Variants in TRIM34 observed in about 807,000 individuals in gnomAD.
The protein encoded by TRIM34 is tripartite motif containing 34, also known as E3 ubiquitin-protein ligase TRIM34.
Under a neutral mutation model 38.1 loss-of-function variants are expected in TRIM34, and 41 were observed. The observed-to-expected ratio is 1.08, with a 90% CI of 0.84 to 1.40. The LOEUF (loss-of-function observed/expected upper bound fraction) is 1.40, where lower values mean the gene tolerates loss of function less well. Among genes scored for constraint, TRIM34 ranks in the 40% most tolerant of loss-of-function variants. The pLI is 0.00. For synonymous variants in TRIM34, 200 were observed against 202.5 expected, an observed-to-expected ratio of 0.99 and a Z score of 0.10; for missense variants, 556 against 571.4, an observed-to-expected ratio of 0.97 and a Z score of 0.27.
chr11:5,637,761 C>T (rs1849809522), intron 4 of TRIM34, among the ~76,000 whole-genome samples: 1 of 152,172 alleles, frequency 6.6e-6, no homozygotes, highest in Non-Finnish European at 1.5e-5. Context: ...GTCACCACTG[C>T]TCTACTTTGA....
At chr11:5,625,751 C>T (rs1028953113) in intron 1 of TRIM34, among the ~76,000 whole-genome samples, 20 of 152,200 alleles carry the variant, frequency 1.3e-4, no homozygotes, top group African/African-American at 4.6e-4. Context: ...CTGAACATAC[C>T]TGTTTACTTT....
At chr11:5,643,032 G>A (rs1018728974) in intron 7 of TRIM34, 112 bp from the exon 8 acceptor site, 11 of 1,288,806 alleles carry the variant, frequency 8.5e-6, no homozygotes, top group East Asian at 2.6e-5. Flanking sequence ...TCCCAAGTTC[G>A]TTCATCACCA....
chr11:5,623,638 C>T (rs1849082508), upstream of TRIM34, among the ~76,000 whole-genome samples: 1 of 151,646 alleles, frequency 6.6e-6, no homozygotes, highest in African/African-American at 2.4e-5. Flanking sequence ...CCTCAACCTC[C>T]CAAAGTTCTG....
chr11:5,634,526 C>CATATATATATATATATAT (rs1849631573), intron 3 of TRIM34, 105 bp from the exon 4 acceptor site: 1 of 651,142 alleles, frequency 1.5e-6, no homozygotes, highest in African/African-American at 2.3e-5. Context: ...CACACACACA[C>CATATATATATATATATAT]ACACATATAT....
intron 1 of TRIM34, among the ~76,000 whole-genome samples, chr11:5,630,291 T>G (rs1849431773): frequency 6.6e-6 from 1 of 152,164 alleles, no homozygotes; most frequent in Non-Finnish European, 1.5e-5. Flanking sequence ...AATGATAACC[T>G]TTTTTTCCCC....
upstream of TRIM34, among the ~76,000 whole-genome samples, chr11:5,621,731 A>T (rs1848997582): frequency 6.6e-6 from 1 of 152,196 alleles, no homozygotes; most frequent in Non-Finnish European, 1.5e-5. Flanking sequence ...CCCTCTGCTC[A>T]CTGACATAAA....
At chr11:5,633,989 G>A (rs1424663403) in intron 3 of TRIM34, 90 bp downstream of exon 3, 14 of 1,399,278 alleles carry the variant, frequency 1.0e-5, no homozygotes, top group Admixed American at 6.2e-5. Flanking sequence ...CCTTGACATT[G>A]CATGAGTCCT....
At chr11:5,627,878 T>C (rs955429552) in intron 1 of TRIM34, among the ~76,000 whole-genome samples, 20 of 152,252 alleles carry the variant, frequency 1.3e-4, no homozygotes, top group African/African-American at 4.8e-4. Flanking sequence ...AGAGACACTC[T>C]AATTTTACTA....
intron 5 of TRIM34, among the ~76,000 whole-genome samples, chr11:5,641,985 G>A (rs1430771696): frequency 6.6e-6 from 1 of 152,118 alleles, no homozygotes; most frequent in Non-Finnish European, 1.5e-5. Flanking sequence ...ATCACAGTCA[G>A]GATCTACAGC....
At chr11:5,633,997 C>G in intron 3 of TRIM34, 98 bp downstream of exon 3, 1 of 1,330,492 alleles carries the variant, frequency 7.5e-7, no homozygotes, top group Non-Finnish European at 1.0e-6. Context: ...TTGCATGAGT[C>G]CTGAAGCCAT....
intron 2 of TRIM34, among the ~76,000 whole-genome samples, chr11:5,633,504 G>A (rs1849581163): frequency 6.6e-6 from 1 of 152,160 alleles, no homozygotes; most frequent in Non-Finnish European, 1.5e-5. Flanking sequence ...AAGGAACATT[G>A]TGGATTGAAT....
intron 1 of TRIM34, among the ~76,000 whole-genome samples, chr11:5,625,376 TTCTC>T (rs968400584): frequency 2.0e-5 from 3 of 152,170 alleles, no homozygotes; most frequent in Admixed American, 6.5e-5. Context: ...AAGGAAACAA[TTCTC>T]TCTCTCTCTT....
chr11:5,632,258 T>G lies in TRIM34; in HGVS notation c.-74T>G, dbSNP rs572553195. ...CATCCCCTTTCAATCTTCTCAGCCA[T>G]CCAGGGGTCTTTAACCAGAAGAGAG... On this transcript the variant is annotated 5_prime_UTR_variant, in exon 2 of 8. Transcript: ENST00000429814. 1.2e-6 allele frequency: 2 copies of G among 1,603,806 alleles called. No individual in the cohort carries two copies. Among genetic ancestry groups the G allele is most frequent in the African/African-American group, 1.3e-5 (1 of 74,370 alleles).
Position 5,641,154 on chromosome 11 carries a change from C to G in TRIM34, c.751-13C>G. 1 of 1,611,578 alleles carries G rather than the reference C, an allele frequency of 6.2e-7. No homozygotes were observed. The highest frequency in any genetic ancestry group is 8.5e-7 in the Non-Finnish European group (1 of 1,178,748). ...TTATACACTTTGACTCATGTTTTCT[C>G]TTTTCTTTCTAGGACATGAGTGGAA... On this transcript the variant is annotated splice_polypyrimidine_tract_variant and intron_variant, in intron 4 of 7. Transcript: ENST00000429814.
upstream of TRIM34, among the ~76,000 whole-genome samples, chr11:5,621,783 T>G (rs535727204): frequency 3.9e-5 from 6 of 152,264 alleles, no homozygotes; most frequent in African/African-American, 1.2e-4. Context: ...AATCAGAAAC[T>G]CAAAAGAATG....
At position 5,634,728 on chromosome 11, in the gene TRIM34, A is replaced by T; in HGVS notation, c.617A>T (p.Glu206Val). Residue 206 changes from glutamate to valine, a missense_variant, in exon 4 of 8, where the codon GAA (glutamate) becomes GTA (valine). Physicochemically the swap from Glu to Val is moderately radical, Grantham distance 121 (BLOSUM62 -2). Coordinates refer to ENST00000429814, the MANE Select transcript of TRIM34 (RefSeq NM_021616.6). ...GAGCAGAGAGAGCTGCAAAGATTGGAAGAAGAAGAAAAGAAGACGCTGGAT... is the reference window on the plus strand; with the variant it reads ...GAGCAGAGAGAGCTGCAAAGATTGGTAGAAGAAGAAAAGAAGACGCTGGAT... Reference protein sequence around the residue: ...NEEQRELQRLEEEEKKTLDKF... With the variant: ...NEEQRELQRLVEEEKKTLDKF... The T allele has an allele frequency of 1.9e-6, 3 of 1,614,000 alleles. No homozygotes were observed. The highest frequency in any genetic ancestry group is 2.5e-6 in the Non-Finnish European group (3 of 1,179,936).
Position 5,641,188 on chromosome 11 carries a change from T to C in TRIM34, c.772T>C (p.Trp258Arg). The C allele has an allele frequency of 1.2e-6, 2 of 1,613,866 alleles. No homozygotes were observed. ...LLQDMSGIMK[W>R]SEIWRLKKPK... ...CTAGGACATGAGTGGAATCATGAAA[T>C]GGTGCGTATGGGTGGCCAGGAGTGG... The change falls in exon 5 of 8, where the codon TGG (tryptophan) becomes CGG (arginine). Residue 258 changes from tryptophan (W) to arginine (R), a missense_variant and splice_region_variant. Trp to Arg is a moderately radical substitution (Grantham distance 101). Coordinates refer to ENST00000429814, the MANE Select transcript of TRIM34 (RefSeq NM_021616.6).
intron 3 of TRIM34, 76 bp downstream of exon 3, chr11:5,633,975 T>C: frequency 6.6e-7 from 1 of 1,510,786 alleles, no homozygotes; most frequent in South Asian, 1.2e-5. Context: ...TCGTCCTTTT[T>C]ATTCCTTGAC....
chr11:5,641,274 T>TA (rs1355688575), intron 5 of TRIM34, 85 bp downstream of exon 5: 3 of 1,600,862 alleles, frequency 1.9e-6, no homozygotes, highest in Non-Finnish European at 1.7e-6. Flanking sequence ...TCAATTGGAA[T>TA]AAAAAATCTC....
Sources: gnomAD v4.1 joint callset for allele counts (sites outside exome capture counted in the v4.1 genomes callset) on GRCh38, gnomAD v4.1.1 for gene constraint, MANE v1.5 for transcripts, NCBI Gene and HGNC (gene_info 2026-07-23, HGNC 2026-07-21) for gene names.